Variants in PBX4 observed in about 807,000 individuals in gnomAD.
PBX4 encodes the protein PBX homeobox 4, also known as pre-B-cell leukemia transcription factor 4.
PBX4 carries 26 observed loss-of-function variants against 35.1 expected under a neutral mutation model. The observed-to-expected ratio is 0.74, with a 90% CI of 0.54 to 1.03. The LOEUF is 1.03. PBX4 is among the 50% of genes least tolerant of loss of function. PBX4 has a pLI of 0.00. For synonymous variants in PBX4, 199 were observed against 204.2 expected, an observed-to-expected ratio of 0.97 and a Z score of 0.22; for missense variants, 448 against 504.3, an observed-to-expected ratio of 0.89 and a Z score of 1.07.
At chr19:19,612,131 A>G (rs868684479) in intron 1 of PBX4, among the ~76,000 whole-genome samples, 2 of 152,012 alleles carry the variant, frequency 1.3e-5, no homozygotes, top group Non-Finnish European at 2.9e-5. Flanking sequence ...TAAGCCGGGC[A>G]TGGTGGTGCA....
intron 2 of PBX4, 159 bp from the exon 3 acceptor site, chr19:19,570,992 T>C (rs1164655167): frequency 1.2e-5 from 11 of 918,552 alleles, no homozygotes; most frequent in Non-Finnish European, 1.8e-5. Context: ...TGATGGACAC[T>C]GAGCACCCCG....
At chr19:19,606,171 C>T (rs1004542439) in intron 1 of PBX4, among the ~76,000 whole-genome samples, 2 of 152,170 alleles carry the variant, frequency 1.3e-5, no homozygotes, top group African/African-American at 2.4e-5. Context: ...GTACCTGTGA[C>T]TTGCAATGTG....
chr19:19,600,036 G>T (rs1347864210), intron 1 of PBX4, among the ~76,000 whole-genome samples: 2 of 151,646 alleles, frequency 1.3e-5, no homozygotes, highest in African/African-American at 4.8e-5. Flanking sequence ...CAGCTACTCA[G>T]GTGGGTGAGG....
At position 19,562,471 on chromosome 19, in the gene PBX4, G is replaced by T. The variant is rs1197928762; in HGVS notation, c.1033-354C>A. On this transcript the variant is annotated intron_variant, in intron 7 of 7. Transcript: ENST00000251203. This position sits in a 1 kb window ranked among gnomAD's most constrained non-coding sequence, Gnocchi z 4.8. ...TGGAGCCCATGATGACGCCCGGAGC[G>T]TCATGGTGAGACTCGGTGGGAAAAA... Among the ~76,000 whole-genome samples, 1 of 152,144 alleles carries T rather than the reference G, an allele frequency of 6.6e-6. No individual in the cohort carries two copies. Among genetic ancestry groups the T allele is most frequent in the East Asian group, 1.9e-4 (1 of 5,158 alleles).
At position 19,569,530 on chromosome 19, in the gene PBX4, AAAAT is replaced by A. The variant is rs1458206956; in HGVS notation, c.683_686del (p.Tyr228PhefsTer5). The stretch of plus-strand genomic sequence containing the variant: ...GGTAAGGGTTGTTCAGATGGGAGTA[AAAAT>A]ACTCATTCAGCACTTCCGTCGCCTG... On this transcript the variant is annotated frameshift_variant, in exon 5 of 8. Transcript: ENST00000251203. LOFTEE classifies it high-confidence loss of function. The A allele has an allele frequency of 6.2e-7, 1 of 1,613,762 alleles. No individual in the cohort carries two copies. Among genetic ancestry groups the A allele is most frequent in the African/African-American group, 1.3e-5 (1 of 74,912 alleles).
In PBX4 at chr19:19,584,276, A is replaced by G. The variant is rs1053870423; in HGVS notation, c.194-13443T>C. Among the ~76,000 whole-genome samples, 4 of 152,278 alleles carry G rather than the reference A, an allele frequency of 2.6e-5. No homozygotes were observed. The East Asian group carries it at 7.7e-4, about 29-fold the overall frequency. ...ACCCACAGGCAAATCAAAGAATAGA[A>G]AGAACCTTCCTTAACCTGATAATGG... On this transcript the variant is annotated intron_variant, in intron 2 of 7. Coordinates refer to ENST00000251203, the MANE Select transcript of PBX4 (RefSeq NM_025245.3).
chr19:19,589,759 G>C (rs1012103155), intron 2 of PBX4, among the ~76,000 whole-genome samples: 1 of 152,162 alleles, frequency 6.6e-6, no homozygotes, highest in African/African-American at 2.4e-5. Context: ...GACAGAGCGA[G>C]ACTCCATCTC....
At chr19:19,571,352 T>C (rs925078027) in intron 2 of PBX4, among the ~76,000 whole-genome samples, 2 of 152,042 alleles carry the variant, frequency 1.3e-5, no homozygotes, top group African/African-American at 2.4e-5. Context: ...TAAAACTGGA[T>C]AGGAAAAGCC....
At chr19:19,589,377 C>A (rs1213747157) in intron 2 of PBX4, among the ~76,000 whole-genome samples, 1 of 150,852 alleles carries the variant, frequency 6.6e-6, no homozygotes, top group African/African-American at 2.4e-5. Flanking sequence ...GAGCTTGCAG[C>A]GAGCCGAGAT....
chr19:19,584,766 T>C (rs990838871), intron 2 of PBX4, among the ~76,000 whole-genome samples: 3 of 151,702 alleles, frequency 2.0e-5, no homozygotes, highest in Non-Finnish European at 4.4e-5. Context: ...GATGGGACTA[T>C]AGGCATGCAC....
At chr19:19,583,930 A>G (rs1206715574) in intron 2 of PBX4, among the ~76,000 whole-genome samples, 2 of 151,948 alleles carry the variant, frequency 1.3e-5, no homozygotes, top group Non-Finnish European at 2.9e-5. Flanking sequence ...TTAGCTGGGC[A>G]TGGTGGCACA....
intron 1 of PBX4, among the ~76,000 whole-genome samples, chr19:19,600,695 T>A (rs1164744151): frequency 6.6e-6 from 1 of 151,374 alleles, no homozygotes; most frequent in East Asian, 1.9e-4. Flanking sequence ...TGCACACCTG[T>A]AATCCCAGCT....
intron 1 of PBX4, among the ~76,000 whole-genome samples, chr19:19,602,813 C>A (rs1219934727): frequency 6.6e-6 from 1 of 151,974 alleles, no homozygotes; most frequent in Non-Finnish European, 1.5e-5. Flanking sequence ...TTACTACAGA[C>A]AGCAAACAAC....
intron 5 of PBX4, among the ~76,000 whole-genome samples, chr19:19,567,205 G>C (rs2061348054): frequency 6.6e-6 from 1 of 152,156 alleles, no homozygotes. Context: ...ATTGTTCCTT[G>C]GGGGCCAAAT....
intron 1 of PBX4, among the ~76,000 whole-genome samples, chr19:19,605,449 C>CAACAAT (rs1555740390): frequency 7.7e-5 from 7 of 90,416 alleles, no homozygotes; most frequent in Non-Finnish European, 1.6e-4. Context: ...ATAATAATAA[C>CAACAAT]AATAATAATA....
At chr19:19,609,297 C>A (rs1000563203) in intron 1 of PBX4, among the ~76,000 whole-genome samples, 1 of 152,120 alleles carries the variant, frequency 6.6e-6, no homozygotes, top group Non-Finnish European at 1.5e-5. Flanking sequence ...CACCTGTAAT[C>A]CCAGCACTTT....
At chr19:19,567,770 G>C (rs1045952361) in intron 5 of PBX4, among the ~76,000 whole-genome samples, 1 of 152,242 alleles carries the variant, frequency 6.6e-6, no homozygotes, top group Admixed American at 6.5e-5. Flanking sequence ...CCAGGCTATA[G>C]AGTCAGGGAG....
chr19:19,587,741 C>G (rs2061499787), intron 2 of PBX4, among the ~76,000 whole-genome samples: 1 of 150,814 alleles, frequency 6.6e-6, no homozygotes, highest in African/African-American at 2.4e-5. Context: ...GTCAACTACT[C>G]AAGCAGAAGA....
At chr19:19,610,066 T>G (rs1421680054) in intron 1 of PBX4, among the ~76,000 whole-genome samples, 2 of 152,184 alleles carry the variant, frequency 1.3e-5, no homozygotes, top group Non-Finnish European at 2.9e-5. Flanking sequence ...TAAAGCTATT[T>G]CAAAGGGGAT....
Sources: gnomAD v4.1 joint callset for allele counts (sites outside exome capture counted in the v4.1 genomes callset) on GRCh38, gnomAD v4.1.1 for gene constraint, Gnocchi (gnomAD v3.1) non-coding constraint, MANE v1.5 for transcripts, NCBI Gene and HGNC (gene_info 2026-07-23, HGNC 2026-07-21) for gene names.